NDST1: variants seen among roughly 807,000 people sequenced by gnomAD.
NDST1 encodes N-deacetylase and N-sulfotransferase 1.
In NDST1, 35 loss-of-function variants were observed where a neutral mutation model predicts 92.8. The ratio of observed to expected loss-of-function variants is 0.38; its 90% confidence interval spans 0.29 to 0.50. The LOEUF (loss-of-function observed/expected upper bound fraction) is 0.50. Among genes scored for constraint, NDST1 ranks in the 20% least tolerant of loss-of-function variants. The probability of loss-of-function intolerance (pLI) is 0.94; values close to 1 mark genes in which losing one functional copy is unlikely to be tolerated. For synonymous variants in NDST1, 493 were observed against 500.3 expected, an observed-to-expected ratio of 0.99 and a Z score of 0.19; for missense variants, 822 against 1,182.7, an observed-to-expected ratio of 0.69 and a Z score of 4.47.
intron 3 of NDST1, among the ~76,000 whole-genome samples, chr5:150,528,654 G>T (rs965313231): frequency 3.3e-5 from 5 of 152,156 alleles, no homozygotes; most frequent in African/African-American, 1.2e-4. Context: ...AATTAGCCAG[G>T]TGTGGTGGCG....
intron 6 of NDST1, among the ~76,000 whole-genome samples, chr5:150,536,120 T>C (rs1452535776): frequency 1.3e-5 from 2 of 152,202 alleles, no homozygotes; most frequent in African/African-American, 4.8e-5. Context: ...CAAGCAATAA[T>C]CAGCATTCTT....
At chr5:150,539,567 C>A in intron 7 of NDST1, 1 of 1,420,502 alleles carries the variant, frequency 7.0e-7, no homozygotes, top group South Asian at 1.5e-5. Context: ...CTTTCCTAAT[C>A]ATGTACTTTA....
intron 5 of NDST1, chr5:150,535,331 G>C (rs1754933615): frequency 1.0e-6 from 1 of 985,318 alleles, no homozygotes; most frequent in African/African-American, 1.7e-5. Flanking sequence ...GCTCTGGAAA[G>C]CTGGAAGAGG....
Position 150,557,931 on chromosome 5 carries a change from A to G in NDST1, c.*4599A>G, listed in dbSNP as rs1755906441. The G allele has an allele frequency of 7.5e-6, 1 of 132,698 alleles. No individual in the cohort carries two copies. 8.2% of individuals were successfully genotyped at this position (132,698 alleles called of 1,614,324 possible). On this transcript the variant is annotated 3_prime_UTR_variant, in exon 15 of 15. Transcript: ENST00000261797. This position sits in a 1 kb window ranked among gnomAD's most constrained non-coding sequence, Gnocchi z 4.7. ...GTTTTCTATGACTGTGTTAGCTTTT[A>G]TTATTAGCAAGAGGGCTCCTTTTGT...
At chr5:150,508,436 G>A (rs78066813) in intron 1 of NDST1, among the ~76,000 whole-genome samples, 580 of 152,186 alleles carry the variant, frequency 3.8e-3, no homozygotes, top group African/African-American at 0.011. Context: ...AGCAGCTCCC[G>A]GAACTGCCCC....
At chr5:150,509,126 G>A (rs954386072) in intron 1 of NDST1, among the ~76,000 whole-genome samples, 63 of 152,248 alleles carry the variant, frequency 4.1e-4, no homozygotes, top group African/African-American at 1.4e-3. Flanking sequence ...TTCCAGGCCC[G>A]CATGGATTTT....
intron 1 of NDST1, among the ~76,000 whole-genome samples, chr5:150,498,919 C>A (rs1561583368): frequency 6.6e-6 from 1 of 152,184 alleles, no homozygotes; most frequent in Non-Finnish European, 1.5e-5. Flanking sequence ...CTTGGTCCAG[C>A]CTGCCAGGTT....
chr5:150,545,583 C>T, intron 11 of NDST1, 97 bp downstream of exon 11: 2 of 1,467,378 alleles, frequency 1.4e-6, no homozygotes, highest in South Asian at 2.4e-5. Flanking sequence ...TAGTAAGCAC[C>T]TACTGTGTGC....
chr5:150,551,079 C>T (rs1191453475), intron 13 of NDST1, among the ~76,000 whole-genome samples: 2 of 152,156 alleles, frequency 1.3e-5, no homozygotes, highest in Admixed American at 6.5e-5. Flanking sequence ...TTTCTTGATG[C>T]CCTCATGCTC....
upstream of NDST1, among the ~76,000 whole-genome samples, chr5:150,504,271 A>G (rs1481057162): frequency 2.0e-5 from 3 of 152,076 alleles, no homozygotes; most frequent in Admixed American, 6.6e-5. Context: ...GTCTTCAGGG[A>G]TGGTGGGGGT....
chr5:150,505,623 A>G (rs1194940394), upstream of NDST1, among the ~76,000 whole-genome samples: 1 of 152,172 alleles, frequency 6.6e-6, no homozygotes, highest in Non-Finnish European at 1.5e-5. Flanking sequence ...GTGGTGACTG[A>G]CAGGTTATCG....
intron 5 of NDST1, 75 bp from the exon 6 acceptor site, chr5:150,535,625 A>G (rs1754949677): frequency 6.4e-7 from 1 of 1,550,886 alleles, no homozygotes; most frequent in African/African-American, 1.4e-5. Context: ...TCTCTCTCCC[A>G]TTCTACAAAG....
intron 2 of NDST1, among the ~76,000 whole-genome samples, chr5:150,522,814 G>A (rs914946995): frequency 2.6e-5 from 4 of 152,292 alleles, no homozygotes; most frequent in Admixed American, 6.5e-5. Flanking sequence ...TAGGAAAGTC[G>A]TCTTTGATAA....
intron 6 of NDST1, among the ~76,000 whole-genome samples, chr5:150,538,529 T>A (rs1755094296): frequency 1.3e-5 from 2 of 152,218 alleles, no homozygotes; most frequent in South Asian, 4.1e-4. Flanking sequence ...TGTGGTTAGA[T>A]GAGTTAGATA....
At chr5:150,534,841 G>A (rs1456895810) in intron 4 of NDST1, 26 bp from the exon 5 acceptor site, 2 of 1,614,250 alleles carry the variant, frequency 1.2e-6, no homozygotes, top group Admixed American at 3.3e-5. Flanking sequence ...CCAGTGGGTG[G>A]TTCTGAGCTG....
chr5:150,509,499 G>T (rs1753619434), intron 1 of NDST1, among the ~76,000 whole-genome samples: 1 of 152,140 alleles, frequency 6.6e-6, no homozygotes, highest in African/African-American at 2.4e-5. Flanking sequence ...TGAGGCCTCT[G>T]CCTGGGGCAG....
Position 150,531,418 on chromosome 5 carries a change from A to G in NDST1, c.1009-1527A>G, listed in dbSNP as rs1227879697. Among the ~76,000 whole-genome samples the G allele has an allele frequency of 4.6e-5, 7 of 151,696 alleles. No individual in the cohort carries two copies. In the East Asian group the frequency reaches 1.4e-3, roughly 29 times the overall value. On this transcript the variant is annotated intron_variant, in intron 3 of 14. Coordinates refer to ENST00000261797, the MANE Select transcript of NDST1 (RefSeq NM_001543.5). ...CTGGTAAGATGCTGATGGTGACTAC[A>G]TTGCCTGGGGAGGGCCAGGACTTTT...
chr5:150,497,834 T>C (rs1333465299), upstream of NDST1: 6 of 152,248 alleles, frequency 3.9e-5, no homozygotes, highest in Admixed American at 3.9e-4. Context: ...CACCGATCCA[T>C]GCCCACGCCT....
upstream of NDST1, among the ~76,000 whole-genome samples, chr5:150,506,060 T>G (rs907762770): frequency 3.9e-5 from 6 of 152,192 alleles, no homozygotes; most frequent in Non-Finnish European, 7.3e-5. Flanking sequence ...GTGAGGCATC[T>G]AAGTGCAGCG....
Sources: allele counts gnomAD v4.1 joint callset (sites outside exome capture counted in the v4.1 genomes callset), GRCh38; gene constraint gnomAD v4.1.1; non-coding constraint Gnocchi (gnomAD v3.1); transcripts MANE v1.5; gene names NCBI Gene and HGNC (gene_info 2026-07-23, HGNC 2026-07-21).